The following COL12A1 variants were observed in gnomAD, a reference collection of about 807,000 sequenced individuals.
COL12A1 encodes collagen alpha-1(XII) chain.
A neutral mutation model predicts 349.7 loss-of-function variants in COL12A1; 114 were observed. The observed-to-expected ratio is 0.33, with a 90% CI of 0.28 to 0.38. The LOEUF is 0.38. COL12A1 is among the 10% of genes least tolerant of loss of function. COL12A1 has a pLI of 1.00. For missense variants in COL12A1, 3,284 were observed against 3,756.9 expected (o/e 0.87, Z 3.29); for synonymous variants, 1,369 against 1,329.0 (o/e 1.03, Z -0.66).
chr6:75,185,239 AG>A lies in COL12A1; in HGVS notation c.998-1096del, dbSNP rs1455305153. Among the ~76,000 whole-genome samples the A allele has an allele frequency of 3.3e-5, 5 of 152,358 alleles. No individual in the cohort carries two copies. In the East Asian group the frequency reaches 7.7e-4, roughly 23 times the overall value. On this transcript the variant is annotated intron_variant, in intron 8 of 65. Transcript: ENST00000322507. The stretch of plus-strand genomic sequence containing the variant: ...GAAAACTGCAATGTCTCAGCCCAAA[AG>A]CTTCTTAAGCTGATAAACAACTTTA...
At chr6:75,146,291 A>G in intron 23 of COL12A1, 47 bp from the exon 24 acceptor site, 1 of 1,513,998 alleles carries the variant, frequency 6.6e-7, no homozygotes, top group Non-Finnish European at 8.8e-7. Flanking sequence ...CTTTCATTCC[A>G]CTCATTTTTA....
At chr6:75,115,701 C>T (rs921204083) in intron 49 of COL12A1, 83 bp downstream of exon 49, 41 of 1,496,446 alleles carry the variant, frequency 2.7e-5, no homozygotes, top group Non-Finnish European at 3.4e-5. Flanking sequence ...TTCTAAAGTC[C>T]CAGGATTCTG....
chr6:75,095,246 T>C (rs983962324), intron 59 of COL12A1, 67 bp from the exon 60 acceptor site: 1 of 1,208,926 alleles, frequency 8.3e-7, no homozygotes, highest in Non-Finnish European at 1.2e-6. Flanking sequence ...AGTAAATGAA[T>C]ACAGCCTGTT....
Position 75,086,576 on chromosome 6 carries a change from G to C in COL12A1, c.9182-19C>G, listed in dbSNP as rs1767498861. ...CCGGAACCTGAAACAGGTCAAAGATGATAGTTTTTAAAAGTTGAATGACTA... is the reference window on the plus strand; with the variant it reads ...CCGGAACCTGAAACAGGTCAAAGATCATAGTTTTTAAAAGTTGAATGACTA... On this transcript the variant is annotated intron_variant, in intron 65 of 65. Transcript: ENST00000322507. 6.9e-6 allele frequency: 11 copies of C among 1,591,070 alleles called. No individual in the cohort carries two copies. The East Asian group carries it at 2.5e-4, about 36-fold the overall frequency.
chr6:75,187,567 T>C (rs1310029452), intron 8 of COL12A1, among the ~76,000 whole-genome samples: 4 of 152,012 alleles, frequency 2.6e-5, no homozygotes, highest in Admixed American at 6.6e-5. Context: ...AAACAAAGGA[T>C]AGATTGAGAG....
chr6:75,155,359 A>T (rs1582144988), intron 16 of COL12A1, among the ~76,000 whole-genome samples: 1 of 152,182 alleles, frequency 6.6e-6, no homozygotes, highest in African/African-American at 2.4e-5. Context: ...TAATAAGAAC[A>T]TTAATTTCTT....
intron 16 of COL12A1, 146 bp from the exon 17 acceptor site, chr6:75,154,683 A>G: frequency 1.3e-6 from 1 of 768,464 alleles, no homozygotes. Flanking sequence ...AAGAGAAGAA[A>G]AATAATTTCC....
At chr6:75,180,646 T>C (rs188096535) in intron 11 of COL12A1, among the ~76,000 whole-genome samples, 111 of 152,078 alleles carry the variant, frequency 7.3e-4, no homozygotes, top group African/African-American at 2.6e-3. Flanking sequence ...ATTCCTGAAA[T>C]TTGGGACCAA....
rs376131301 is a variant in COL12A1 at position 75,200,373 on chromosome 6, G to C, written c.73+2347C>G. 2.8e-4 allele frequency among the ~76,000 whole-genome samples: 43 copies of C among 152,282 alleles called. No individual in the cohort carries two copies. The East Asian group carries it at 5.6e-3, about 20-fold the overall frequency. ...GAATCAATTGAGGCCAGGGGTTCGA[G>C]ACCAGCCTGGCCAACATGGTGAAAC... is the stretch of plus-strand genomic sequence containing the variant. On this transcript the variant is annotated intron_variant, in intron 2 of 65. Transcript: ENST00000322507.
chr6:75,147,512 A>G (rs1360168975), intron 23 of COL12A1, among the ~76,000 whole-genome samples, 163 bp downstream of exon 23: 1 of 152,172 alleles, frequency 6.6e-6, no homozygotes, highest in African/African-American at 2.4e-5. Context: ...GGAGTAGAAA[A>G]CCACTGAGTA....
chr6:75,116,625 C>T (rs1360817503), intron 47 of COL12A1, among the ~76,000 whole-genome samples: 1 of 152,140 alleles, frequency 6.6e-6, no homozygotes, highest in Non-Finnish European at 1.5e-5. Flanking sequence ...CGAACTTCAG[C>T]ATAAATTTTC....
chr6:75,133,479 T>C, intron 33 of COL12A1, 57 bp from the exon 34 acceptor site: 2 of 1,531,486 alleles, frequency 1.3e-6, no homozygotes, highest in Non-Finnish European at 1.8e-6. Context: ...AAAGAAATAA[T>C]AATTCAAATA....
At chr6:75,195,328 C>A (rs1770163123) in intron 2 of COL12A1, among the ~76,000 whole-genome samples, 1 of 152,136 alleles carries the variant, frequency 6.6e-6, no homozygotes, top group Non-Finnish European at 1.5e-5. Context: ...ATGCTGAGTG[C>A]ATTTTGAACA....
At chr6:75,152,618 T>C in intron 17 of COL12A1, 136 bp from the exon 18 acceptor site, 1 of 887,520 alleles carries the variant, frequency 1.1e-6, no homozygotes, top group Non-Finnish European at 1.7e-6. Flanking sequence ...TGATGTGGAG[T>C]ATAAGACTCT....
intron 8 of COL12A1, among the ~76,000 whole-genome samples, chr6:75,186,098 A>G (rs1221191975): frequency 6.6e-6 from 1 of 152,222 alleles, no homozygotes; most frequent in African/African-American, 2.4e-5. Flanking sequence ...AATTGCAACA[A>G]AAACAAAAAT....
At chr6:75,101,804 G>T in intron 57 of COL12A1, 151 bp from the exon 58 acceptor site, 1 of 976,372 alleles carries the variant, frequency 1.0e-6, no homozygotes, top group Non-Finnish European at 1.6e-6. Context: ...GCATACAGTA[G>T]ATGCTCAGTC....
chr6:75,180,789 A>G (rs1769226545), intron 11 of COL12A1, 150 bp downstream of exon 11: 2 of 957,306 alleles, frequency 2.1e-6, no homozygotes, highest in Admixed American at 5.5e-5. Context: ...TTTTAAAAAG[A>G]TTTATGAAAA....
In COL12A1 at chr6:75,175,125, C is replaced by T. The variant is rs1768859868; in HGVS notation, c.2623G>A (p.Glu875Lys). The T allele has an allele frequency of 6.2e-7, 1 of 1,614,058 alleles. No individual in the cohort carries two copies. Among genetic ancestry groups the T allele is most frequent in the African/African-American group, 1.3e-5 (1 of 74,918 alleles). The change falls in exon 13 of 66, where the codon GAA (glutamate) becomes AAA (lysine). Residue 875 changes from glutamate to lysine, a missense_variant. Physicochemically the swap from Glu to Lys is moderately conservative, Grantham distance 56. Coordinates refer to ENST00000322507, the MANE Select transcript of COL12A1 (RefSeq NM_004370.6). Reference protein sequence around the residue: ...TTNTVLQGLKEGTQYALSVTA... With the variant: ...TTNTVLQGLKKGTQYALSVTA... ...ACAGATAAGGCGTATTGTGTCCCTTCCTTCAATCCCTGCAGCACCGTATTG... is the reference window on the plus strand; with the variant it reads ...ACAGATAAGGCGTATTGTGTCCCTTTCTTCAATCCCTGCAGCACCGTATTG...
chr6:75,192,862 C>G (rs80036352), intron 3 of COL12A1, among the ~76,000 whole-genome samples: 1,875 of 152,170 alleles, frequency 0.012, 38 homozygotes, highest in African/African-American at 0.043. Context: ...ACTCAAATGG[C>G]TACATGCCTT....
Sources: gnomAD v4.1 joint callset for allele counts (sites outside exome capture counted in the v4.1 genomes callset) on GRCh38, gnomAD v4.1.1 for gene constraint, MANE v1.5 for transcripts, NCBI Gene and HGNC (gene_info 2026-07-23, HGNC 2026-07-21) for gene names.